POFUT3: variants seen among roughly 807,000 people sequenced by gnomAD.
POFUT3 encodes the protein protein O-fucosyltransferase 3.
the POFUT3 span, among the ~76,000 whole-genome samples, chr8:33,426,967 T>C: frequency 1.3e-5 from 2 of 152,138 alleles, no homozygotes; most frequent in Non-Finnish European, 2.9e-5. Flanking sequence ...AATTATACGG[T>C]TATTCCAGAG....
At chr8:33,460,646 G>A in the POFUT3 span, 4 of 811,750 alleles carry the variant, frequency 4.9e-6, no homozygotes, top group Non-Finnish European at 6.0e-6. Context: ...TTTGACCCAG[G>A]AAGACAGACT....
chr8:33,360,306 C>T, the POFUT3 span, among the ~76,000 whole-genome samples: 6 of 151,644 alleles, frequency 4.0e-5, no homozygotes, highest in African/African-American at 7.3e-5. Context: ...ATTAGCCGGG[C>T]GTGGTGGCGG....
chr8:33,439,807 C>CAGTG, the POFUT3 span, among the ~76,000 whole-genome samples: 1 of 151,520 alleles, frequency 6.6e-6, no homozygotes, highest in African/African-American at 2.4e-5. Flanking sequence ...GCGGAGGTTG[C>CAGTG]AGTGAGCCAA....
the POFUT3 span, among the ~76,000 whole-genome samples, chr8:33,431,207 T>C: frequency 1.3e-5 from 2 of 152,092 alleles, no homozygotes; most frequent in Admixed American, 6.6e-5. Flanking sequence ...ATTAGTCAAA[T>C]AATTAAGTGC....
chr8:33,353,425 T>C, the POFUT3 span, among the ~76,000 whole-genome samples: 1 of 152,182 alleles, frequency 6.6e-6, no homozygotes, highest in African/African-American at 2.4e-5. Context: ...TTTTCCAAGG[T>C]CATCCTAGAG....
At chr8:33,347,718 AG>A in the POFUT3 span, among the ~76,000 whole-genome samples, 1 of 152,362 alleles carries the variant, frequency 6.6e-6, no homozygotes, top group Admixed American at 6.5e-5. Context: ...CTGACCTTCA[AG>A]GAACTCAGTC....
chr8:33,363,006 A>G, the POFUT3 span, among the ~76,000 whole-genome samples: 1 of 152,218 alleles, frequency 6.6e-6, no homozygotes, highest in Admixed American at 6.5e-5. Context: ...TCTAAAACTG[A>G]CCACATAATT....
chr8:33,327,511 G>A, the POFUT3 span, among the ~76,000 whole-genome samples: 3 of 151,870 alleles, frequency 2.0e-5, no homozygotes, highest in East Asian at 3.9e-4. Flanking sequence ...CAAGAAAGTC[G>A]AAGTCTCAGG....
chr8:33,397,707 T>C, the POFUT3 span, among the ~76,000 whole-genome samples: 3 of 152,208 alleles, frequency 2.0e-5, no homozygotes, highest in East Asian at 1.9e-4. Flanking sequence ...AAAGACCACA[T>C]ACAGATGTAT....
At chr8:33,442,042 T>A in the POFUT3 span, among the ~76,000 whole-genome samples, 1 of 150,640 alleles carries the variant, frequency 6.6e-6, no homozygotes, top group Non-Finnish European at 1.5e-5. Flanking sequence ...CTCCGCCTCC[T>A]GGATTCAAGC....
chr8:33,349,411 G>A, the POFUT3 span, among the ~76,000 whole-genome samples: 1 of 152,312 alleles, frequency 6.6e-6, no homozygotes, highest in East Asian at 1.9e-4. Context: ...TACCCAGTGT[G>A]TAGTCTTTTA....
the POFUT3 span, among the ~76,000 whole-genome samples, chr8:33,331,690 T>G: frequency 4.3e-4 from 62 of 145,712 alleles, no homozygotes; most frequent in Middle Eastern, 0.014. Context: ...TGTTGTTGTT[T>G]TTTGAGACGG....
At chr8:33,406,891 C>T in the POFUT3 span, among the ~76,000 whole-genome samples, 2 of 152,022 alleles carry the variant, frequency 1.3e-5, no homozygotes, top group East Asian at 1.9e-4. Context: ...TAAATTTTGA[C>T]ATAGTGATAC....
At chr8:33,389,292 T>C in the POFUT3 span, 4 of 1,614,152 alleles carry the variant, frequency 2.5e-6, no homozygotes, top group South Asian at 4.4e-5. Flanking sequence ...TTCAGTGGCC[T>C]CCAGAACTTC....
the POFUT3 span, among the ~76,000 whole-genome samples, chr8:33,419,890 G>T: frequency 2.0e-5 from 3 of 152,148 alleles, no homozygotes; most frequent in Non-Finnish European, 4.4e-5. Flanking sequence ...CACTTTGGGA[G>T]GCCAAGGCAG....
the POFUT3 span, among the ~76,000 whole-genome samples, chr8:33,351,169 G>C: frequency 6.6e-6 from 1 of 152,040 alleles, no homozygotes; most frequent in Non-Finnish European, 1.5e-5. Context: ...TGGCCAGGCT[G>C]GTCACAAACT....
the POFUT3 span, among the ~76,000 whole-genome samples, chr8:33,324,401 C>CT: frequency 6.6e-6 from 1 of 152,020 alleles, no homozygotes; most frequent in African/African-American, 2.4e-5. Context: ...TCCCTGGACC[C>CT]TTTTTTAGGA....
chr8:33,437,702 T>C, the POFUT3 span, among the ~76,000 whole-genome samples: 6 of 151,928 alleles, frequency 3.9e-5, no homozygotes, highest in South Asian at 1.2e-3. Flanking sequence ...TCCCAGCTAC[T>C]TGGGAGGCTG....
the POFUT3 span, among the ~76,000 whole-genome samples, chr8:33,455,266 C>T: frequency 1.8e-4 from 27 of 152,154 alleles, no homozygotes; most frequent in Non-Finnish European, 3.7e-4. Context: ...TAGTCTAAGT[C>T]TGGGTCACTG....
Sources: allele counts gnomAD v4.1 joint callset (sites outside exome capture counted in the v4.1 genomes callset), GRCh38; gene constraint gnomAD v4.1.1; transcripts MANE v1.5; gene names NCBI Gene and HGNC (gene_info 2026-07-23, HGNC 2026-07-21).